Variants in LAMA4 observed in about 807,000 individuals in gnomAD.
LAMA4 encodes the protein laminin subunit alpha-4.
In LAMA4, 127 loss-of-function variants were observed where a neutral mutation model predicts 207.1. That is an observed-to-expected ratio of 0.61 (90% CI 0.53 to 0.71). The LOEUF (loss-of-function observed/expected upper bound fraction) is 0.71, where lower values mean the gene tolerates loss of function less well. Among genes scored for constraint, LAMA4 ranks in the 30% least tolerant of loss-of-function variants. LAMA4 has a pLI of 0.00. For missense variants in LAMA4, 2,093 were observed against 2,246.5 expected, an observed-to-expected ratio of 0.93 and a Z score of 1.38; for synonymous variants, 761 against 816.0, an observed-to-expected ratio of 0.93 and a Z score of 1.15.
chr6:112,201,520 T>G lies in LAMA4; in HGVS notation c.503+88A>C, dbSNP rs185981787. 1.2e-3 allele frequency: 1,313 copies of G among 1,086,182 alleles called. 16 individuals are homozygous for G. In the African/African-American group the frequency reaches 0.018, roughly 15 times the overall value. 67.3% of individuals were successfully genotyped at this position (1,086,182 alleles called of 1,614,324 possible). A position where few individuals can be genotyped will look rare whatever the true frequency, so the allele number is the denominator to read the frequency against. On this transcript the variant is annotated intron_variant, in intron 5 of 38. Transcript: ENST00000230538. The stretch of plus-strand genomic sequence containing the variant: ...CTTAAGCATCTCCTTCAGGACCCAC[T>G]GAATGGGAGTATGGCAGAGCTGTTG...
intron 24 of LAMA4, 150 bp downstream of exon 24, chr6:112,138,970 T>C (rs1554332262): frequency 5.2e-6 from 4 of 766,764 alleles, no homozygotes; most frequent in African/African-American, 5.2e-5. Context: ...TGTCATTACT[T>C]TCCTGAAGAA....
At chr6:112,240,670 G>A (rs1786349347) in intron 2 of LAMA4, among the ~76,000 whole-genome samples, 1 of 152,006 alleles carries the variant, frequency 6.6e-6, no homozygotes, top group Non-Finnish European at 1.5e-5. Flanking sequence ...TCTGTGCCTG[G>A]CTTATTTAAC....
chr6:112,132,227 T>G (rs1779077236), intron 28 of LAMA4, among the ~76,000 whole-genome samples: 1 of 152,146 alleles, frequency 6.6e-6, no homozygotes, highest in South Asian at 2.1e-4. Flanking sequence ...TTTCAAAATA[T>G]TAAAATAATC....
intron 2 of LAMA4, among the ~76,000 whole-genome samples, chr6:112,244,981 G>A (rs1311302594): frequency 6.6e-6 from 1 of 152,108 alleles, no homozygotes; most frequent in African/African-American, 2.4e-5. Context: ...ATAAAATGAG[G>A]CAATTATTCA....
intron 2 of LAMA4, among the ~76,000 whole-genome samples, chr6:112,245,438 A>G (rs1786839919): frequency 6.6e-6 from 1 of 152,158 alleles, no homozygotes; most frequent in South Asian, 2.1e-4. Context: ...TCAGCATGCC[A>G]TGTTGCATTT....
chr6:112,122,315 C>T, intron 31 of LAMA4, 114 bp from the exon 32 acceptor site: 1 of 815,402 alleles, frequency 1.2e-6, no homozygotes, highest in South Asian at 1.6e-5. Context: ...TGTGCATTTT[C>T]CATTCATGGA....
intron 38 of LAMA4, 142 bp from the exon 39 acceptor site, chr6:112,109,724 T>A (rs1215012185): frequency 1.2e-5 from 11 of 880,198 alleles, no homozygotes; most frequent in Non-Finnish European, 1.9e-5. Flanking sequence ...TATAATTGAC[T>A]CATTTCTCAG....
In LAMA4 at chr6:112,139,181, C is replaced by A. The variant is rs782099866; in HGVS notation, c.3221G>T (p.Arg1074Leu). The part of the protein sequence containing the change: ...TRRGKFGQVT[R>L]FDIEVRTPAD... ...TGGTGTTCGAACTTCTATGTCAAAG[C>A]GAGTCACCTGACCAAATTTCCCTCT... Residue 1074 changes from arginine (R) to leucine (L), a missense_variant, in exon 24 of 39, where the codon CGC becomes CTC. Coordinates refer to ENST00000230538, the MANE Select transcript of LAMA4 (RefSeq NM_001105206.3). 1 of 1,614,020 alleles carries A rather than the reference C, an allele frequency of 6.2e-7. No individual in the cohort carries two copies. The highest frequency in any genetic ancestry group is 2.2e-5 in the East Asian group (1 of 44,888).
chr6:112,253,460 A>G (rs1554190256), intron 2 of LAMA4: 3 of 371,614 alleles, frequency 8.1e-6, no homozygotes, highest in Non-Finnish European at 1.0e-5. Flanking sequence ...AGCTCCTTTC[A>G]TGACCAGCCA....
At chr6:112,137,923 T>A (rs1779450762) in intron 24 of LAMA4, among the ~76,000 whole-genome samples, 1 of 152,206 alleles carries the variant, frequency 6.6e-6, no homozygotes, top group Non-Finnish European at 1.5e-5. Flanking sequence ...AATGTAAGGG[T>A]ATTATCATAA....
At chr6:112,178,528 C>T (rs1260680793) in intron 9 of LAMA4, 10 of 391,476 alleles carry the variant, frequency 2.6e-5, no homozygotes, top group Admixed American at 7.4e-5. Context: ...ACCCATCACC[C>T]GAGCAGTATA....
At chr6:112,131,396 C>G (rs113429704) in intron 28 of LAMA4, among the ~76,000 whole-genome samples, 212 of 152,246 alleles carry the variant, frequency 1.4e-3, no homozygotes, top group African/African-American at 4.9e-3. Context: ...TTCCTACTTT[C>G]AATCTCACTT....
intron 4 of LAMA4, 54 bp downstream of exon 4, chr6:112,206,964 AAAC>A: frequency 6.2e-7 from 1 of 1,608,054 alleles, no homozygotes; most frequent in Non-Finnish European, 8.5e-7. Flanking sequence ...AAACAAAACA[AAAC>A]AAAACAATAC....
intron 3 of LAMA4, among the ~76,000 whole-genome samples, chr6:112,214,413 T>G (rs2115052041): frequency 6.6e-6 from 1 of 152,172 alleles, no homozygotes; most frequent in African/African-American, 2.4e-5. Flanking sequence ...TAAATTAAAT[T>G]TATAAGAATA....
chr6:112,208,095 T>C (rs1331352296), intron 3 of LAMA4, among the ~76,000 whole-genome samples: 1 of 152,216 alleles, frequency 6.6e-6, no homozygotes, highest in Non-Finnish European at 1.5e-5. Flanking sequence ...GCAAAGCCAT[T>C]AGCTCTATTT....
chr6:112,253,126 G>C (rs188993969), intron 2 of LAMA4, among the ~76,000 whole-genome samples: 2 of 152,228 alleles, frequency 1.3e-5, no homozygotes, highest in Admixed American at 6.5e-5. Flanking sequence ...TGTTTTGCTA[G>C]GTCAATTGCT....
intron 24 of LAMA4, among the ~76,000 whole-genome samples, chr6:112,138,704 A>C (rs1391671225): frequency 6.6e-6 from 1 of 152,162 alleles, no homozygotes; most frequent in African/African-American, 2.4e-5. Flanking sequence ...TCATTTATAA[A>C]CAAAGATATA....
At position 112,122,065 on chromosome 6, in the gene LAMA4, G is replaced by C. The variant is rs1271756810; in HGVS notation, c.4424C>G (p.Thr1475Arg). The change falls in exon 32 of 39, where the codon ACA becomes AGA. Residue 1475 changes from threonine to arginine, a missense_variant. By Grantham distance (71) the Thr-to-Arg change is moderately conservative. Around this residue, in one of 3 missense-constraint regions of LAMA4, gnomAD observed 383 missense variants for 437.8 expected, o/e 0.87. Transcript: ENST00000230538. Reference sequence around the variant, plus strand: ...TTCAAACTCTTGGCGGCTGTTGGCTGTTCCTCCATATTGATAGGCGTGCTC... The same window carrying C: ...TTCAAACTCTTGGCGGCTGTTGGCTCTTCCTCCATATTGATAGGCGTGCTC... ...AIEHAYQYGG[T>R]ANSRQEFEHL... The C allele has an allele frequency of 6.2e-7, 1 of 1,614,012 alleles. No individual in the cohort carries two copies. The highest frequency in any genetic ancestry group is 8.5e-7 in the Non-Finnish European group (1 of 1,179,940).
At chr6:112,168,123 G>A (rs1187025299) in intron 12 of LAMA4, among the ~76,000 whole-genome samples, 4 of 151,382 alleles carry the variant, frequency 2.6e-5, no homozygotes, top group Admixed American at 6.6e-5. Flanking sequence ...GCACGAACCC[G>A]GGAGGCAGAG....
Sources: gnomAD v4.1 joint callset for allele counts (sites outside exome capture counted in the v4.1 genomes callset) on GRCh38, gnomAD v4.1.1 for gene constraint, gnomAD v4.1.1 regional missense constraint, MANE v1.5 for transcripts, NCBI Gene and HGNC (gene_info 2026-07-23, HGNC 2026-07-21) for gene names.